The following EIF2AK2 variants were observed in gnomAD, a reference collection of about 807,000 sequenced individuals.
EIF2AK2 encodes the protein eukaryotic translation initiation factor 2 alpha kinase 2.
Under a neutral mutation model 70.5 loss-of-function variants are expected in EIF2AK2, and 40 were observed. The ratio of observed to expected loss-of-function variants is 0.57; its 90% CI spans 0.44 to 0.74. The LOEUF (loss-of-function observed/expected upper bound fraction) is 0.74, where lower values mean the gene tolerates loss of function less well. Among genes scored for constraint, EIF2AK2 ranks in the 30% least tolerant of loss-of-function variants. The pLI, the probability that EIF2AK2 is intolerant of heterozygous loss-of-function variation, is 0.00. For missense variants in EIF2AK2, 555 were observed against 644.3 expected, an observed-to-expected ratio of 0.86 and a Z score of 1.50; for synonymous variants, 198 against 220.9, an observed-to-expected ratio of 0.90 and a Z score of 0.92.
intron 2 of EIF2AK2, among the ~76,000 whole-genome samples, 158 bp from the exon 3 acceptor site, chr2:37,147,980 C>T (rs1041469256): frequency 6.6e-6 from 1 of 152,158 alleles, no homozygotes; most frequent in Non-Finnish European, 1.5e-5. Context: ...CAAAACCGTT[C>T]TTTCTTTCTC....
intron 1 of EIF2AK2, among the ~76,000 whole-genome samples, chr2:37,152,740 AT>A (rs1675790222): frequency 6.6e-6 from 1 of 152,210 alleles, no homozygotes; most frequent in Non-Finnish European, 1.5e-5. Flanking sequence ...AAGTTTACAT[AT>A]TCCTTATGAA....
intron 12 of EIF2AK2, among the ~76,000 whole-genome samples, chr2:37,120,826 G>T (rs1417999907): frequency 6.7e-6 from 1 of 149,494 alleles, no homozygotes; most frequent in African/African-American, 2.4e-5. Flanking sequence ...AGCTGGGTGT[G>T]GTGGCGCGGC....
chr2:37,150,178 A>G (rs1166935786), intron 1 of EIF2AK2, among the ~76,000 whole-genome samples: 3 of 151,712 alleles, frequency 2.0e-5, no homozygotes, highest in Non-Finnish European at 1.5e-5. Flanking sequence ...ACTAAAGAGC[A>G]TTTAATGTGA....
chr2:37,135,050 G>A (rs1437441531), intron 10 of EIF2AK2, among the ~76,000 whole-genome samples: 1 of 152,182 alleles, frequency 6.6e-6, no homozygotes, highest in Non-Finnish European at 1.5e-5. Flanking sequence ...GATATAGCCT[G>A]AAGCATTATA....
intron 1 of EIF2AK2, among the ~76,000 whole-genome samples, chr2:37,152,339 T>C (rs1675772620): frequency 6.6e-6 from 1 of 152,162 alleles, no homozygotes; most frequent in African/African-American, 2.4e-5. Context: ...TGGAGTGCAG[T>C]AACATGATCT....
In EIF2AK2 at chr2:37,156,305, G is replaced by A. The variant is rs192326827; in HGVS notation, c.-184+603C>T. 4.7e-3 allele frequency among the ~76,000 whole-genome samples: 709 copies of A among 152,290 alleles called. 3 individuals carry two copies. Among genetic ancestry groups the A allele is most frequent in the Non-Finnish European group, 8.4e-3 (574 of 68,014 alleles). On this transcript the variant is annotated intron_variant, in intron 1 of 16. Transcript: ENST00000233057. The stretch of plus-strand genomic sequence containing the variant: ...TAATAAATGTTTATAGGATTCTGAT[G>A]AGACAGGAAAGCTACGGGGAAGGTC...
chr2:37,142,403 GATTAGAGGT>G (rs1675366253), intron 4 of EIF2AK2, among the ~76,000 whole-genome samples: 1 of 152,064 alleles, frequency 6.6e-6, no homozygotes, highest in African/African-American at 2.4e-5. Flanking sequence ...AAAATGCTAG[GATTAGAGGT>G]GTGAGCCACC....
intron 14 of EIF2AK2, among the ~76,000 whole-genome samples, chr2:37,114,511 A>G (rs1553335371): frequency 6.6e-6 from 1 of 152,142 alleles, no homozygotes; most frequent in Non-Finnish European, 1.5e-5. Context: ...TGTAAAAAAA[A>G]TCTGGGTGTA....
intron 1 of EIF2AK2, among the ~76,000 whole-genome samples, chr2:37,155,072 C>G (rs1655329838): frequency 6.6e-6 from 1 of 152,052 alleles, no homozygotes; most frequent in African/African-American, 2.4e-5. Flanking sequence ...AGGTTTGTGG[C>G]TTTAAATTCC....
chr2:37,125,070 T>C (rs1315395818), intron 11 of EIF2AK2, among the ~76,000 whole-genome samples: 1 of 152,052 alleles, frequency 6.6e-6, no homozygotes, highest in East Asian at 1.9e-4. Flanking sequence ...TGGAGTGCAA[T>C]GGCATGATCT....
intron 10 of EIF2AK2, among the ~76,000 whole-genome samples, chr2:37,132,965 A>T (rs1675000417): frequency 6.6e-6 from 1 of 152,178 alleles, no homozygotes; most frequent in South Asian, 2.1e-4. Context: ...CCAAATTAAT[A>T]ACAGAAATCA....
intron 1 of EIF2AK2, among the ~76,000 whole-genome samples, chr2:37,149,680 G>A (rs4648149): frequency 0.019 from 2,823 of 152,260 alleles, 89 homozygotes; most frequent in African/African-American, 0.064. Context: ...ATTTTAGGTA[G>A]CACAGTATAA....
chr2:37,141,420 T>TTATA, intron 5 of EIF2AK2, 133 bp downstream of exon 5: 1 of 1,079,092 alleles, frequency 9.3e-7, no homozygotes, highest in Non-Finnish European at 1.3e-6. Flanking sequence ...ATCCAATTAC[T>TTATA]TATCAATCAT....
intron 12 of EIF2AK2, among the ~76,000 whole-genome samples, chr2:37,120,568 AAATAT>A (rs1023528935): frequency 6.7e-6 from 1 of 148,578 alleles, no homozygotes; most frequent in Admixed American, 6.9e-5. Flanking sequence ...ATAGAAATCT[AAATAT>A]AATAAACAAA....
chr2:37,156,536 C>T (rs1053150959), intron 1 of EIF2AK2, among the ~76,000 whole-genome samples: 1 of 152,170 alleles, frequency 6.6e-6, no homozygotes, highest in Non-Finnish European at 1.5e-5. Context: ...TTCAGGCCTC[C>T]GTATTTTCCA....
intron 10 of EIF2AK2, among the ~76,000 whole-genome samples, chr2:37,128,734 A>G (rs187980697): frequency 6.6e-6 from 1 of 152,212 alleles, no homozygotes; most frequent in Admixed American, 6.5e-5. Context: ...GATTATAATA[A>G]CTCCATAATA....
intron 11 of EIF2AK2, among the ~76,000 whole-genome samples, chr2:37,125,543 T>C (rs1423193570): frequency 1.3e-5 from 2 of 152,146 alleles, no homozygotes; most frequent in African/African-American, 4.8e-5. Context: ...AGCCACCAAG[T>C]TGTAAGAAGC....
rs768969031 is a variant in EIF2AK2 at position 37,138,549 on chromosome 2, T to C, written c.553A>G (p.Thr185Ala). 1.1e-5 allele frequency: 17 copies of C among 1,614,036 alleles called. No individual in the cohort carries two copies. Among genetic ancestry groups the C allele is most frequent in the Non-Finnish European group, 1.3e-5 (15 of 1,180,012 alleles). ...AAAGAGTTGCTTTGGGACTCACACG[T>C]AGTAGCAAAAGAACCAGAGGACAGG... ...DYLSSGSFAT[T>A]CESQSNSLVT... The change falls in exon 7 of 17, where the codon ACG (threonine) becomes GCG (alanine). Residue 185 changes from threonine to alanine, a missense_variant. Transcript: ENST00000233057.
chr2:37,133,251 C>T (rs1439375918), intron 10 of EIF2AK2, among the ~76,000 whole-genome samples: 1 of 152,134 alleles, frequency 6.6e-6, no homozygotes, highest in Non-Finnish European at 1.5e-5. Flanking sequence ...AATGCTCATC[C>T]CCTTTGAACT....
Sources: gnomAD v4.1 joint callset for allele counts (sites outside exome capture counted in the v4.1 genomes callset) on GRCh38, gnomAD v4.1.1 for gene constraint, MANE v1.5 for transcripts, NCBI Gene and HGNC (gene_info 2026-07-23, HGNC 2026-07-21) for gene names.